Variants in CD1B observed in about 807,000 individuals in gnomAD.
CD1B encodes T-cell surface glycoprotein CD1b.
A neutral mutation model predicts 39.8 loss-of-function variants in CD1B; 43 were observed. That is an observed-to-expected ratio of 1.08 (90% confidence interval 0.85 to 1.39). The LOEUF (loss-of-function observed/expected upper bound fraction) is 1.39. Among genes scored for constraint, CD1B ranks in the 40% most tolerant of loss-of-function variants. The pLI, the probability that CD1B is intolerant of heterozygous loss-of-function variation, is 0.00. For missense variants in CD1B, 495 were observed against 403.8 expected (o/e 1.23, Z -1.94); for synonymous variants, 192 against 152.5 (o/e 1.26, Z -1.91).
chr1:158,305,276 A>G, the CD1B span, among the ~76,000 whole-genome samples: 2 of 152,194 alleles, frequency 1.3e-5, no homozygotes, highest in Non-Finnish European at 2.9e-5. Flanking sequence ...AGGCAAGAGA[A>G]CTACATGATG....
the CD1B span, among the ~76,000 whole-genome samples, chr1:158,304,068 C>T: frequency 2.6e-5 from 4 of 152,024 alleles, no homozygotes; most frequent in Admixed American, 1.3e-4. Flanking sequence ...CGGCTCATCT[C>T]ACTGAGGAGT....
the CD1B span, among the ~76,000 whole-genome samples, chr1:158,314,166 C>A: frequency 9.2e-4 from 140 of 152,240 alleles, no homozygotes; most frequent in African/African-American, 3.0e-3. Context: ...CTCACTGCAA[C>A]CTCTGCCTCC....
the CD1B span, among the ~76,000 whole-genome samples, chr1:158,314,289 T>A: frequency 6.6e-6 from 1 of 152,160 alleles, no homozygotes; most frequent in African/African-American, 2.4e-5. Flanking sequence ...TTCACCATGT[T>A]GCTCAGGCTG....
the CD1B span, among the ~76,000 whole-genome samples, chr1:158,319,355 G>T: frequency 6.6e-6 from 1 of 152,282 alleles, no homozygotes; most frequent in South Asian, 2.1e-4. Context: ...TGGAGGCTTT[G>T]TTGATTTCTT....
At chr1:158,287,164 G>C in the CD1B span, among the ~76,000 whole-genome samples, 21 of 152,212 alleles carry the variant, frequency 1.4e-4, no homozygotes, top group Non-Finnish European at 2.5e-4. Context: ...CACAGCTCTA[G>C]AGGCTAGAAG....
intron 2 of CD1B, 179 bp downstream of exon 2, chr1:158,330,617 A>G (rs1267023617): frequency 2.7e-6 from 2 of 748,122 alleles, no homozygotes; most frequent in South Asian, 2.8e-5. Context: ...GGCAGCAAGA[A>G]TCTGAAATAT....
At chr1:158,303,919 T>A in the CD1B span, among the ~76,000 whole-genome samples, 1 of 152,172 alleles carries the variant, frequency 6.6e-6, no homozygotes, top group Non-Finnish European at 1.5e-5. Flanking sequence ...TTGAAAAAAC[T>A]ATTCTAAAAT....
intron 5 of CD1B, 57 bp downstream of exon 5, chr1:158,328,864 G>T: frequency 8.4e-7 from 1 of 1,184,246 alleles, no homozygotes; most frequent in Non-Finnish European, 1.2e-6. Flanking sequence ...AAAAAACAGT[G>T]GAAGGGTGAA....
chr1:158,293,329 C>T, the CD1B span: 1 of 1,596,750 alleles, frequency 6.3e-7, no homozygotes, highest in Non-Finnish European at 8.6e-7. Context: ...TCCTCCTCTC[C>T]TCCCAGTTTC....
At chr1:158,303,626 T>A in the CD1B span, among the ~76,000 whole-genome samples, 1 of 152,118 alleles carries the variant, frequency 6.6e-6, no homozygotes, top group Non-Finnish European at 1.5e-5. Flanking sequence ...TATATATCAA[T>A]AAAGTCCAGA....
the CD1B span, among the ~76,000 whole-genome samples, chr1:158,287,416 AGACATGAGATT>A: frequency 6.6e-6 from 1 of 152,176 alleles, no homozygotes; most frequent in Non-Finnish European, 1.5e-5. Flanking sequence ...CTTACCGTTT[AGACATGAGATT>A]GACATTACTT....
the CD1B span, among the ~76,000 whole-genome samples, chr1:158,306,654 T>C: frequency 6.6e-6 from 1 of 152,214 alleles, no homozygotes; most frequent in African/African-American, 2.4e-5. Context: ...ACCGCACTTA[T>C]TCCAAAATTG....
chr1:158,292,959 G>C, the CD1B span: 13 of 1,346,272 alleles, frequency 9.7e-6, no homozygotes, highest in Admixed American at 4.1e-5. Flanking sequence ...AGCAGACCTA[G>C]GTGAGGGATT....
At chr1:158,293,641 G>A in the CD1B span, 1 of 1,525,642 alleles carries the variant, frequency 6.6e-7, no homozygotes, top group Non-Finnish European at 8.9e-7. Flanking sequence ...TGTTTTTCTT[G>A]GAATCTCCAC....
chr1:158,323,514 T>C (rs1240328257), downstream of CD1B, among the ~76,000 whole-genome samples: 1 of 152,190 alleles, frequency 6.6e-6, no homozygotes, highest in African/African-American at 2.4e-5. Flanking sequence ...GTCTGTTTGG[T>C]GAGGTCAAAA....
At chr1:158,321,369 TA>T in the CD1B span, among the ~76,000 whole-genome samples, 5 of 152,222 alleles carry the variant, frequency 3.3e-5, no homozygotes, top group African/African-American at 7.2e-5. Flanking sequence ...TATCTTTTTC[TA>T]TCCCTTCACT....
chr1:158,302,887 C>A, the CD1B span, among the ~76,000 whole-genome samples: 6 of 152,086 alleles, frequency 3.9e-5, no homozygotes, highest in Non-Finnish European at 8.8e-5. Flanking sequence ...TCTTTGAAAA[C>A]TATTCCAAAA....
At chr1:158,305,084 G>A in the CD1B span, among the ~76,000 whole-genome samples, 1 of 152,184 alleles carries the variant, frequency 6.6e-6, no homozygotes, top group Non-Finnish European at 1.5e-5. Flanking sequence ...AAAGCAGGAT[G>A]GAGAATGACC....
At chr1:158,300,210 A>T in the CD1B span, among the ~76,000 whole-genome samples, 1 of 152,148 alleles carries the variant, frequency 6.6e-6, no homozygotes, top group Non-Finnish European at 1.5e-5. Context: ...GGTTTCCTAG[A>T]GCATCTTTAT....
Sources: gnomAD v4.1 joint callset for allele counts (sites outside exome capture counted in the v4.1 genomes callset) on GRCh38, gnomAD v4.1.1 for gene constraint, MANE v1.5 for transcripts, NCBI Gene and HGNC (gene_info 2026-07-23, HGNC 2026-07-21) for gene names.